ABCA13: variants seen among roughly 807,000 people sequenced by gnomAD.
ABCA13 encodes the protein ATP-binding cassette sub-family A member 13.
In ABCA13, 476 loss-of-function variants were observed where a neutral mutation model predicts 478.7. That is an observed-to-expected ratio of 0.99 (90% CI 0.92 to 1.07). The LOEUF (loss-of-function observed/expected upper bound fraction) is 1.07, where lower values mean the gene tolerates loss of function less well. Among genes scored for constraint, ABCA13 ranks in the 50% least tolerant of loss-of-function variants. The pLI is 0.00. For missense variants in ABCA13, 6,060 were observed against 5,910.6 expected, an observed-to-expected ratio of 1.03 and a Z score of -0.83; for synonymous variants, 2,252 against 2,158.9, an observed-to-expected ratio of 1.04 and a Z score of -1.20.
chr7:48,345,316 G>A (rs536409922), intron 29 of ABCA13, among the ~76,000 whole-genome samples: 26 of 152,308 alleles, frequency 1.7e-4, no homozygotes, highest in Non-Finnish European at 3.5e-4. Context: ...TGAGTTAAGT[G>A]TAAAGCAGCC....
intron 47 of ABCA13, among the ~76,000 whole-genome samples, chr7:48,486,743 C>A (rs1470336649): frequency 6.6e-6 from 1 of 152,154 alleles, no homozygotes; most frequent in Admixed American, 6.5e-5. Context: ...GCAGACTGGG[C>A]TGGGCTGATC....
Position 48,398,468 on chromosome 7 carries a change from A to T in ABCA13, c.11874-5215A>T, listed in dbSNP as rs529198361. Among the ~76,000 whole-genome samples the T allele has an allele frequency of 2.6e-5, 4 of 152,334 alleles. No individual in the cohort carries two copies. The East Asian group carries it at 7.7e-4, about 29-fold the overall frequency. ...AACTGCAAACATCTGATTTAGATCCAACATGCTCCCTATTACTCTCCTGTA... is the reference window on the plus strand; with the variant it reads ...AACTGCAAACATCTGATTTAGATCCTACATGCTCCCTATTACTCTCCTGTA... On this transcript the variant is annotated intron_variant, in intron 38 of 61. Coordinates refer to ENST00000435803, the MANE Select transcript of ABCA13 (RefSeq NM_152701.5).
rs568679048 is a variant in ABCA13, at chr7:48,475,500, C to G, written c.12975+3901C>G. ...TTTTTTTTTGAGACAGAGTCTCGCT[C>G]TGTCACCCAGGCTAGAGGGCAGTGG... On this transcript the variant is annotated intron_variant, in intron 45 of 61. Transcript: ENST00000435803. 2.1e-4 allele frequency among the ~76,000 whole-genome samples: 27 copies of G among 127,302 alleles called. No individual in the cohort carries two copies. The East Asian group carries it at 6.1e-3, about 29-fold the overall frequency. The allele number at this position is 127,302 out of a possible 152,430, so 83.5% of individuals were successfully genotyped here. A position where few individuals can be genotyped will look rare whatever the true frequency, so the allele number is the denominator to read the frequency against.
intron 28 of ABCA13, among the ~76,000 whole-genome samples, chr7:48,337,098 G>T (rs956938651): frequency 3.3e-5 from 5 of 152,160 alleles, no homozygotes; most frequent in African/African-American, 1.2e-4. Context: ...TCTTCCAAAG[G>T]ATAAGACGGC....
intron 56 of ABCA13, among the ~76,000 whole-genome samples, chr7:48,583,498 T>C (rs1373426388): frequency 6.6e-6 from 1 of 152,196 alleles, no homozygotes; most frequent in Non-Finnish European, 1.5e-5. Flanking sequence ...TTATTTTGGC[T>C]CCAGTGATGT....
Position 48,506,406 on chromosome 7 carries a change from G to A in ABCA13, c.13346+16G>A. ...AGGACAAGATGTGAGTTGATGGAAT[G>A]CTGAGGGGTGTGTGACCCTGACTAT... On this transcript the variant is annotated intron_variant, in intron 49 of 61. Transcript: ENST00000435803. 1.2e-6 allele frequency: 2 copies of A among 1,613,158 alleles called. No homozygotes were observed. Among genetic ancestry groups the A allele is most frequent in the Non-Finnish European group, 1.7e-6 (2 of 1,179,196 alleles).
chr7:48,314,934 T>C (rs1438206959), intron 26 of ABCA13, among the ~76,000 whole-genome samples: 1 of 152,232 alleles, frequency 6.6e-6, no homozygotes, highest in Admixed American at 6.5e-5. Context: ...TATGTCATGA[T>C]AGGTACAAAT....
intron 27 of ABCA13, among the ~76,000 whole-genome samples, chr7:48,323,145 T>TA (rs1803757941): frequency 6.6e-6 from 1 of 152,200 alleles, no homozygotes; most frequent in African/African-American, 2.4e-5. Flanking sequence ...AGTGGAGCTC[T>TA]TACCTTGCTT....
intron 27 of ABCA13, among the ~76,000 whole-genome samples, chr7:48,328,171 G>A (rs1804615974): frequency 1.3e-5 from 2 of 152,192 alleles, no homozygotes; most frequent in African/African-American, 4.8e-5. Flanking sequence ...ACTTGTACGG[G>A]CTGGAAGTGC....
chr7:48,210,137 C>T (rs1008781297), intron 3 of ABCA13, among the ~76,000 whole-genome samples: 1 of 152,108 alleles, frequency 6.6e-6, no homozygotes, highest in African/African-American at 2.4e-5. Context: ...CAATTCTGCA[C>T]CGTTGGGGAG....
Position 48,276,306 on chromosome 7 carries a change from A to C in ABCA13, c.6640A>C (p.Asn2214His). Reference protein sequence around the residue: ...LFENILINLINNLAGNSQEAA... With the variant: ...LFENILINLIHNLAGNSQEAA... ...TGAAAACATCCTAATTAATTTGATC[A>C]ATAACTTAGCTGGGAATTCTCAGGA... Residue 2214 changes from asparagine to histidine, a missense_variant, in exon 17 of 62, where the codon AAT becomes CAT. Physicochemically the swap from Asn to His is moderately conservative, Grantham distance 68. Coordinates refer to ENST00000435803, the MANE Select transcript of ABCA13 (RefSeq NM_152701.5). 6.4e-7 allele frequency: 1 copy of C among 1,556,308 alleles called. No homozygotes were observed. Among genetic ancestry groups the C allele is most frequent in the South Asian group, 1.2e-5 (1 of 83,242 alleles).
intron 37 of ABCA13, 40 bp downstream of exon 37, chr7:48,389,260 A>G (rs1170514318): frequency 1.3e-6 from 2 of 1,569,494 alleles, no homozygotes; most frequent in Non-Finnish European, 1.7e-6. Context: ...TGGGCATTTG[A>G]TTCTTAAAAC....
chr7:48,304,852 C>A (rs1255061806), intron 23 of ABCA13, among the ~76,000 whole-genome samples: 2 of 152,190 alleles, frequency 1.3e-5, no homozygotes, highest in African/African-American at 4.8e-5. Context: ...CCCTAGAGGC[C>A]AGCTGCCAAG....
At chr7:48,515,021 C>T (rs770299980) in intron 51 of ABCA13, among the ~76,000 whole-genome samples, 4 of 152,138 alleles carry the variant, frequency 2.6e-5, no homozygotes, top group Non-Finnish European at 5.9e-5. Flanking sequence ...GGAAAGCATT[C>T]CAACATCATG....
intron 8 of ABCA13, among the ~76,000 whole-genome samples, chr7:48,237,391 C>T (rs1790129637): frequency 1.3e-5 from 2 of 152,248 alleles, no homozygotes; most frequent in East Asian, 1.9e-4. Context: ...TGAGGGGATT[C>T]ATCTTAGGGA....
intron 57 of ABCA13, among the ~76,000 whole-genome samples, chr7:48,590,169 C>A (rs1377479597): frequency 6.6e-6 from 1 of 152,042 alleles, no homozygotes; most frequent in Non-Finnish European, 1.5e-5. Context: ...TTTTTCCATG[C>A]ATGGCTTATT....
intron 24 of ABCA13, among the ~76,000 whole-genome samples, chr7:48,310,887 TG>T (rs1231003837): frequency 6.6e-6 from 1 of 152,198 alleles, no homozygotes; most frequent in African/African-American, 2.4e-5. Flanking sequence ...GCTCTCAAGC[TG>T]CCCCTTCCAG....
chr7:48,267,253 C>T (rs556551488), intron 15 of ABCA13, among the ~76,000 whole-genome samples: 2 of 152,146 alleles, frequency 1.3e-5, no homozygotes, highest in East Asian at 3.9e-4. Flanking sequence ...TCTTGAGCAG[C>T]ATTGAAATCT....
rs1039392351 is a variant in ABCA13 at position 48,312,934 on chromosome 7, C to T, written c.9517-133C>T. On this transcript the variant is annotated intron_variant, in intron 24 of 61. Transcript: ENST00000435803. ...AATGAAGATAACTTTCATATAGTAC[C>T]GCAAAGGCGTCTCTGAAGTTCAAGA... is the stretch of plus-strand genomic sequence containing the variant. 3.3e-5 allele frequency: 31 copies of T among 928,082 alleles called. No homozygotes were observed. In the East Asian group the frequency reaches 7.6e-4, roughly 23 times the overall value. The allele number at this position is 928,082 out of a possible 1,614,324, so 57.5% of individuals were successfully genotyped here.
Sources: allele counts gnomAD v4.1 joint callset (sites outside exome capture counted in the v4.1 genomes callset), GRCh38; gene constraint gnomAD v4.1.1; transcripts MANE v1.5; gene names NCBI Gene and HGNC (gene_info 2026-07-23, HGNC 2026-07-21).